DOCK4: variants seen among roughly 807,000 people sequenced by gnomAD.
DOCK4 encodes the protein dedicator of cytokinesis 4.
Under a neutral mutation model 268.1 loss-of-function variants are expected in DOCK4, and 97 were observed. The ratio of observed to expected loss-of-function variants is 0.36; its 90% CI spans 0.31 to 0.43. The LOEUF (loss-of-function observed/expected upper bound fraction) is 0.43. Ranked by LOEUF, DOCK4 falls within the 20% of genes least tolerant of loss-of-function variation. The pLI is 1.00. For synonymous variants in DOCK4, 954 were observed against 887.2 expected, an observed-to-expected ratio of 1.08 and a Z score of -1.34; for missense variants, 2,145 against 2,455.7, an observed-to-expected ratio of 0.87 and a Z score of 2.67.
intron 1 of DOCK4, among the ~76,000 whole-genome samples, chr7:112,048,226 G>A (rs1043702861): frequency 6.6e-6 from 1 of 151,830 alleles, no homozygotes; most frequent in Non-Finnish European, 1.5e-5. Context: ...AAACGACTTA[G>A]AGCCAATGCT....
intron 30 of DOCK4, among the ~76,000 whole-genome samples, chr7:111,796,706 C>T (rs1354162058): frequency 6.6e-6 from 1 of 152,188 alleles, no homozygotes; most frequent in African/African-American, 2.4e-5. Context: ...CAATCTAGCA[C>T]GTTTCCTCTG....
At chr7:111,910,087 T>C (rs917517672) in intron 13 of DOCK4, among the ~76,000 whole-genome samples, 1 of 151,718 alleles carries the variant, frequency 6.6e-6, no homozygotes, top group African/African-American at 2.4e-5. Context: ...GTTTAACCAA[T>C]GGATATGTGG....
chr7:112,171,101 T>C (rs1240986425), intron 1 of DOCK4, among the ~76,000 whole-genome samples: 1 of 152,228 alleles, frequency 6.6e-6, no homozygotes, highest in Non-Finnish European at 1.5e-5. Flanking sequence ...TTAGAAAAAC[T>C]TTCACAAACA....
chr7:112,134,242 G>A (rs1456237043), intron 1 of DOCK4, among the ~76,000 whole-genome samples: 1 of 152,126 alleles, frequency 6.6e-6, no homozygotes, highest in African/African-American at 2.4e-5. Context: ...CCTCCCTGAG[G>A]CTCGGAAAGC....
chr7:111,865,950 A>C (rs1805941784), intron 22 of DOCK4, among the ~76,000 whole-genome samples: 2 of 152,250 alleles, frequency 1.3e-5, no homozygotes, highest in South Asian at 4.1e-4. Context: ...TAGCATTAAA[A>C]GATCATGAAA....
intron 1 of DOCK4, among the ~76,000 whole-genome samples, chr7:112,170,397 G>A (rs1434049074): frequency 6.6e-6 from 1 of 151,950 alleles, no homozygotes; most frequent in African/African-American, 2.4e-5. Flanking sequence ...GGAGGGTGAG[G>A]CTGCAGTGAG....
chr7:111,844,130 C>G (rs1803905836), intron 25 of DOCK4, among the ~76,000 whole-genome samples: 1 of 152,084 alleles, frequency 6.6e-6, no homozygotes, highest in African/African-American at 2.4e-5. Flanking sequence ...CAAAAATTAG[C>G]CGGGTGTGGT....
intron 1 of DOCK4, among the ~76,000 whole-genome samples, chr7:112,028,418 G>T (rs1470926904): frequency 6.6e-6 from 1 of 152,126 alleles, no homozygotes; most frequent in Non-Finnish European, 1.5e-5. Flanking sequence ...TGCATCAAAA[G>T]GACCTATCAA....
intron 1 of DOCK4, among the ~76,000 whole-genome samples, chr7:112,128,357 G>A (rs1813447553): frequency 6.6e-6 from 1 of 151,810 alleles, no homozygotes; most frequent in African/African-American, 2.4e-5. Flanking sequence ...CCTCTGCCCG[G>A]CCGCCCCTAC....
At position 111,782,811 on chromosome 7, in the gene DOCK4, A is replaced by G. The variant is rs1798872216; in HGVS notation, c.3585+53T>C. 11 of 1,539,324 alleles carry G rather than the reference A, an allele frequency of 7.1e-6. No individual in the cohort carries two copies. The East Asian group carries it at 1.8e-4, about 25-fold the overall frequency. On this transcript the variant is annotated intron_variant, in intron 35 of 52. Transcript: ENST00000428084. ...ACAAACAAAACATAGTATTTCTGGG[A>G]AAAAAATACAAGTATTAGGAGAAAA... is the stretch of plus-strand genomic sequence containing the variant.
intron 1 of DOCK4, among the ~76,000 whole-genome samples, chr7:112,046,391 T>C (rs1194677702): frequency 6.6e-6 from 1 of 152,164 alleles, no homozygotes; most frequent in Non-Finnish European, 1.5e-5. Flanking sequence ...TGATAAAAGA[T>C]ACAGGTCAGT....
chr7:112,056,074 T>C (rs1282700112), intron 1 of DOCK4, among the ~76,000 whole-genome samples: 1 of 152,132 alleles, frequency 6.6e-6, no homozygotes, highest in Non-Finnish European at 1.5e-5. Flanking sequence ...AACTGTGCTT[T>C]GCAAGCCTTG....
chr7:112,082,544 T>C (rs1808692091), intron 1 of DOCK4, among the ~76,000 whole-genome samples: 1 of 152,308 alleles, frequency 6.6e-6, no homozygotes, highest in East Asian at 1.9e-4. Context: ...TCGTAATTGT[T>C]GTTCGCTACA....
Position 111,758,673 on chromosome 7 carries a change from T to A in DOCK4, c.4280A>T (p.Tyr1427Phe). 3 of 1,614,016 alleles carry A rather than the reference T, an allele frequency of 1.9e-6. No individual in the cohort carries two copies. The highest frequency in any genetic ancestry group is 2.5e-6 in the Non-Finnish European group (3 of 1,179,884). ...TGTGCCTTTGTGAAATGGTCGGTCA[T>A]AGCGGAATTTCCAGATGTGATTCAC... ...YKVNHIWKFRYDRPFHKGTKD... is the reference protein window; with the variant it reads ...YKVNHIWKFRFDRPFHKGTKD... The change falls in exon 41 of 53, where the codon TAT becomes TTT. Residue 1427 changes from tyrosine (Y) to phenylalanine (F), a missense_variant. Tyr to Phe is a conservative substitution (Grantham distance 22). Coordinates refer to ENST00000428084, the MANE Select transcript of DOCK4 (RefSeq NM_001363540.2).
rs78112609 is a variant in DOCK4, at chr7:112,078,321, G to A, written c.38-74190C>T. ...CTCAATACATTCTGCTCCCAGCTACGTCCAAGACAACTAGAGCTGTCATTT... is the reference window on the plus strand; with the variant it reads ...CTCAATACATTCTGCTCCCAGCTACATCCAAGACAACTAGAGCTGTCATTT... On this transcript the variant is annotated intron_variant, in intron 1 of 52. Coordinates refer to ENST00000428084, the MANE Select transcript of DOCK4 (RefSeq NM_001363540.2). 1.2e-4 allele frequency among the ~76,000 whole-genome samples: 18 copies of A among 152,126 alleles called. No homozygotes were observed. The East Asian group carries it at 2.5e-3, about 21-fold the overall frequency.
chr7:112,032,993 T>C lies in DOCK4; in HGVS notation c.38-28862A>G, dbSNP rs79280330. On this transcript the variant is annotated intron_variant, in intron 1 of 52. Transcript: ENST00000428084. ...ACAAATGTAAATAAAATAAAGCTCA[T>C]TGTAATAACTTCTGACTTCAATCAC... Among the ~76,000 whole-genome samples the C allele has an allele frequency of 7.4e-4, 113 of 152,318 alleles. 3 individuals are homozygous for C. The East Asian group carries it at 0.016, about 22-fold the overall frequency.
At chr7:112,128,724 G>C (rs552000087) in intron 1 of DOCK4, among the ~76,000 whole-genome samples, 3,385 of 151,952 alleles carry the variant, frequency 0.022, 115 homozygotes, top group African/African-American at 0.076. Flanking sequence ...CAGCATGCTC[G>C]TTAAGAGTCA....
At chr7:111,756,485 T>C (rs1321386094) in intron 41 of DOCK4, among the ~76,000 whole-genome samples, 1 of 152,126 alleles carries the variant, frequency 6.6e-6, no homozygotes, top group Non-Finnish European at 1.5e-5. Context: ...CTAAATCTAC[T>C]GTGCCACATT....
intron 7 of DOCK4, among the ~76,000 whole-genome samples, chr7:111,979,849 T>C (rs577334010): frequency 6.6e-6 from 1 of 152,346 alleles, no homozygotes; most frequent in South Asian, 2.1e-4. Flanking sequence ...CCAATATATC[T>C]AGATCAGTGG....
Sources: allele counts gnomAD v4.1 joint callset (sites outside exome capture counted in the v4.1 genomes callset), GRCh38; gene constraint gnomAD v4.1.1; transcripts MANE v1.5; gene names NCBI Gene and HGNC (gene_info 2026-07-23, HGNC 2026-07-21).